The following CD38 variants were observed in gnomAD, a reference collection of about 807,000 sequenced individuals.
CD38 encodes the protein ADP-ribosyl cyclase/cyclic ADP-ribose hydrolase 1.
CD38 carries 31 observed loss-of-function variants against 36.3 expected under a neutral mutation model. The observed-to-expected ratio is 0.85, with a 90% CI of 0.64 to 1.15. The LOEUF (loss-of-function observed/expected upper bound fraction) is 1.15. Ranked by LOEUF, CD38 falls within the 50% of genes most tolerant of loss-of-function variation. The probability of loss-of-function intolerance (pLI) is 0.00; values close to 1 mark genes in which losing one functional copy is unlikely to be tolerated. For missense variants in CD38, 380 were observed against 371.9 expected (o/e 1.02, Z -0.18); for synonymous variants, 131 against 135.2 (o/e 0.97, Z 0.22).
Position 15,849,561 on chromosome 4 carries a change from A to T in CD38, c.*959A>T, listed in dbSNP as rs1724342146. 1 of 152,170 alleles carries T rather than the reference A, an allele frequency of 6.6e-6. No individual in the cohort carries two copies. Among genetic ancestry groups the T allele is most frequent in the African/African-American group, 2.4e-5 (1 of 41,438 alleles). The allele number at this position is 152,170 out of a possible 1,614,324, so 9.4% of individuals were successfully genotyped here. ...CTCCTCTTCATGCTCAGTGTTTTATATATGTAGTATACAGTTAAAATATAC... is the reference window on the plus strand; with the variant it reads ...CTCCTCTTCATGCTCAGTGTTTTATTTATGTAGTATACAGTTAAAATATAC... On this transcript the variant is annotated 3_prime_UTR_variant, in exon 8 of 8. Coordinates refer to ENST00000226279, the MANE Select transcript of CD38 (RefSeq NM_001775.4).
intron 1 of CD38, among the ~76,000 whole-genome samples, chr4:15,789,780 C>T (rs1343376661): frequency 6.6e-6 from 1 of 151,440 alleles, no homozygotes; most frequent in Non-Finnish European, 1.5e-5. Flanking sequence ...CATGCTCACC[C>T]TCCTCACCGT....
At chr4:15,789,768 A>G (rs964232714) in intron 1 of CD38, among the ~76,000 whole-genome samples, 1 of 151,962 alleles carries the variant, frequency 6.6e-6, no homozygotes, top group South Asian at 2.1e-4. Flanking sequence ...GACTTGAGCT[A>G]GCATGCTCAC....
chr4:15,786,769 G>A lies in CD38; in HGVS notation c.233+8122G>A, dbSNP rs906055400. 4.6e-5 allele frequency among the ~76,000 whole-genome samples: 7 copies of A among 152,370 alleles called. No homozygotes were observed. In the East Asian group the frequency reaches 1.3e-3, roughly 29 times the overall value. ...CCCTTGGACGGTGGATGGGACGCCA[G>A]GGAGCAGGGCGCGGTGCTCGTCGGG... On this transcript the variant is annotated intron_variant, in intron 1 of 7. Transcript: ENST00000226279.
chr4:15,786,750 G>T (rs898462268), intron 1 of CD38, among the ~76,000 whole-genome samples: 4 of 152,266 alleles, frequency 2.6e-5, no homozygotes, highest in Admixed American at 6.5e-5. Flanking sequence ...TCAGCCCTTG[G>T]ACGGTGGATG....
intron 2 of CD38, among the ~76,000 whole-genome samples, chr4:15,821,804 AAAGT>A (rs1217003617): frequency 6.6e-6 from 1 of 151,966 alleles, no homozygotes; most frequent in Non-Finnish European, 1.5e-5. Flanking sequence ...AAAAAATTGA[AAAGT>A]AAGGACTCCT....
At chr4:15,800,075 C>T (rs1436469508) in intron 1 of CD38, among the ~76,000 whole-genome samples, 2 of 152,144 alleles carry the variant, frequency 1.3e-5, no homozygotes. Context: ...AACTCTCCCT[C>T]CAAAATAAGC....
At chr4:15,785,819 T>C (rs6449185) in intron 1 of CD38, among the ~76,000 whole-genome samples, 65,065 of 152,030 alleles carry the variant, frequency 0.43, 16,039 homozygotes, top group African/African-American at 0.69. Context: ...AGAATGAAGC[T>C]GTGGACCCTC....
chr4:15,784,430 T>C (rs1260924247), intron 1 of CD38, among the ~76,000 whole-genome samples: 1 of 152,102 alleles, frequency 6.6e-6, no homozygotes, highest in Non-Finnish European at 1.5e-5. Flanking sequence ...CCAGGGAAGA[T>C]TGGCCAATTG....
intron 7 of CD38, among the ~76,000 whole-genome samples, chr4:15,841,289 A>G (rs1724200680): frequency 6.6e-6 from 1 of 152,180 alleles, no homozygotes; most frequent in Admixed American, 6.5e-5. Flanking sequence ...AAGCTGTTCA[A>G]AGGAGGTAGA....
chr4:15,821,539 A>C (rs996904186), intron 2 of CD38, among the ~76,000 whole-genome samples: 1 of 152,114 alleles, frequency 6.6e-6, no homozygotes, highest in Non-Finnish European at 1.5e-5. Context: ...ATCAGAGAAT[A>C]CTATAAATAC....
chr4:15,787,147 T>C (rs1026820648), intron 1 of CD38, among the ~76,000 whole-genome samples: 1 of 152,074 alleles, frequency 6.6e-6, no homozygotes, highest in Non-Finnish European at 1.5e-5. Context: ...CCAGAGAGGG[T>C]CTCCCACAGT....
chr4:15,781,709 CAACTAG>C (rs549708271), intron 1 of CD38, among the ~76,000 whole-genome samples: 28 of 152,348 alleles, frequency 1.8e-4, no homozygotes, highest in South Asian at 1.4e-3. Flanking sequence ...CTTCACATCA[CAACTAG>C]ATGTGTTTGA....
At chr4:15,805,054 T>C (rs1723312482) in intron 1 of CD38, among the ~76,000 whole-genome samples, 1 of 152,178 alleles carries the variant, frequency 6.6e-6, no homozygotes, top group African/African-American at 2.4e-5. Context: ...TTACATGTCA[T>C]TTAAAAGTGA....
chr4:15,805,067 A>G (rs1416685417), intron 1 of CD38, among the ~76,000 whole-genome samples: 2 of 152,206 alleles, frequency 1.3e-5, no homozygotes, highest in African/African-American at 4.8e-5. Flanking sequence ...AAAAGTGATA[A>G]GAAAAATTAG....
intron 1 of CD38, among the ~76,000 whole-genome samples, chr4:15,809,931 C>T (rs918230662): frequency 3.3e-5 from 5 of 152,102 alleles, no homozygotes; most frequent in African/African-American, 9.7e-5. Context: ...AAAATTGACT[C>T]GCACAACCAA....
At chr4:15,819,974 C>T (rs938286122) in intron 2 of CD38, among the ~76,000 whole-genome samples, 1 of 152,196 alleles carries the variant, frequency 6.6e-6, no homozygotes, top group East Asian at 1.9e-4. Flanking sequence ...TAAAGGGAAG[C>T]CAATTAGACT....
At chr4:15,840,956 C>CTTCCTTAG (rs1724192761) in intron 7 of CD38, among the ~76,000 whole-genome samples, 1 of 152,060 alleles carries the variant, frequency 6.6e-6, no homozygotes, top group African/African-American at 2.4e-5. Context: ...GCAAGTGAAG[C>CTTCCTTAG]TTCCTTAGTT....
intron 1 of CD38, 131 bp from the exon 2 acceptor site, chr4:15,816,380 A>T: frequency 1.5e-6 from 1 of 670,900 alleles, no homozygotes; most frequent in East Asian, 3.0e-5. Flanking sequence ...TGCATGTTAG[A>T]CGAGATAATA....
intron 1 of CD38, among the ~76,000 whole-genome samples, chr4:15,790,172 C>T (rs1479013246): frequency 1.4e-3 from 61 of 42,130 alleles, no homozygotes; most frequent in South Asian, 3.0e-3. Flanking sequence ...TCTCCCTCCC[C>T]CTCCCCCTCC....
Sources: gnomAD v4.1 joint callset for allele counts (sites outside exome capture counted in the v4.1 genomes callset) on GRCh38, gnomAD v4.1.1 for gene constraint, MANE v1.5 for transcripts, NCBI Gene and HGNC (gene_info 2026-07-23, HGNC 2026-07-21) for gene names.